The following VWC2L variants were observed in gnomAD, a reference collection of about 807,000 sequenced individuals.
VWC2L encodes von Willebrand factor C domain-containing protein 2-like.
VWC2L carries 10 observed loss-of-function variants against 21.6 expected under a neutral mutation model. The ratio of observed to expected loss-of-function variants is 0.46; its 90% CI spans 0.29 to 0.78. The LOEUF is 0.78. Ranked by LOEUF, VWC2L falls within the 30% of genes least tolerant of loss-of-function variation. The pLI is 0.10. For missense variants in VWC2L, 209 were observed against 277.1 expected, an observed-to-expected ratio of 0.75 and a Z score of 1.74; for synonymous variants, 96 against 94.3, an observed-to-expected ratio of 1.02 and a Z score of -0.10.
At chr2:214,562,742 T>C (rs1290723231) in intron 3 of VWC2L, among the ~76,000 whole-genome samples, 2 of 152,238 alleles carry the variant, frequency 1.3e-5, no homozygotes. Flanking sequence ...CTATCAGTGA[T>C]GTTGAGCTTT....
chr2:214,528,805 A>G (rs6713695), intron 3 of VWC2L, among the ~76,000 whole-genome samples: 78,117 of 151,892 alleles, frequency 0.51, 20,988 homozygotes, highest in East Asian at 0.74. Flanking sequence ...CTCCTCTTGC[A>G]CTCCTCAGCC....
chr2:214,499,508 G>T (rs4592851), intron 3 of VWC2L, among the ~76,000 whole-genome samples: 34,226 of 135,738 alleles, frequency 0.25, 4,253 homozygotes, highest in East Asian at 0.31. Context: ...GTCGTGGGGT[G>T]GGGGGAGGGG....
At chr2:214,421,874 AT>A (rs1702446349) in intron 2 of VWC2L, among the ~76,000 whole-genome samples, 1 of 107,842 alleles carries the variant, frequency 9.3e-6, no homozygotes, top group Admixed American at 8.8e-5. Flanking sequence ...ATTTTTTTCT[AT>A]TTCCTACATC....
intron 3 of VWC2L, among the ~76,000 whole-genome samples, chr2:214,552,356 C>A (rs560409590): frequency 6.6e-6 from 1 of 152,304 alleles, no homozygotes; most frequent in South Asian, 2.1e-4. Flanking sequence ...TCAAACTGAG[C>A]CTTCCTGACT....
At chr2:214,554,703 A>G (rs1433319967) in intron 3 of VWC2L, among the ~76,000 whole-genome samples, 1 of 152,152 alleles carries the variant, frequency 6.6e-6, no homozygotes, top group Non-Finnish European at 1.5e-5. Context: ...AAACAAATTC[A>G]GGCAAAAGTG....
At chr2:214,526,102 C>A (rs10165712) in intron 3 of VWC2L, among the ~76,000 whole-genome samples, 66,465 of 149,488 alleles carry the variant, frequency 0.44, 15,161 homozygotes, top group East Asian at 0.73. Context: ...TTTATATATT[C>A]ATCTATTATA....
intron 3 of VWC2L, among the ~76,000 whole-genome samples, chr2:214,524,491 G>C (rs1051507413): frequency 6.6e-6 from 1 of 152,190 alleles, no homozygotes; most frequent in African/African-American, 2.4e-5. Context: ...GATTAAACTA[G>C]AAGGACCTCT....
chr2:214,521,865 G>C (rs369173097), intron 3 of VWC2L, among the ~76,000 whole-genome samples: 1 of 152,238 alleles, frequency 6.6e-6, no homozygotes, highest in Non-Finnish European at 1.5e-5. Context: ...ACATTAGGGA[G>C]ATAGGTAGGC....
At chr2:214,561,602 T>C (rs1281662231) in intron 3 of VWC2L, among the ~76,000 whole-genome samples, 1 of 151,600 alleles carries the variant, frequency 6.6e-6, no homozygotes, top group African/African-American at 2.4e-5. Context: ...GGCAAAATCT[T>C]GTCTCTACTA....
In VWC2L at chr2:214,482,661, ATATT is replaced by A. The variant is rs200978063; in HGVS notation, c.520+45905_520+45908del. Among the ~76,000 whole-genome samples, 1,252 of 148,644 alleles carry A rather than the reference ATATT, an allele frequency of 8.4e-3. 22 individuals are homozygous for A. Among genetic ancestry groups the A allele is most frequent in the African/African-American group, 0.029 (1,180 of 40,194 alleles). On this transcript the variant is annotated intron_variant, in intron 3 of 3. Transcript: ENST00000312504. ...AGTTAATAAATAAATATATATATAT[ATATT>A]TTTTTTTCTTTAATGGCCAGGCACT... is the stretch of plus-strand genomic sequence containing the variant.
In VWC2L at chr2:214,546,049, A is replaced by G. The variant is rs149119150; in HGVS notation, c.521-29623A>G. 3.9e-3 allele frequency among the ~76,000 whole-genome samples: 595 copies of G among 152,294 alleles called. 3 individuals are homozygous for G. Among genetic ancestry groups the G allele is most frequent in the African/African-American group, 0.013 (554 of 41,568 alleles). On this transcript the variant is annotated intron_variant, in intron 3 of 3. Transcript: ENST00000312504. The stretch of plus-strand genomic sequence containing the variant: ...ATGCTAACTTTGGATTTGATTTGGT[A>G]TCACATGCCAGAACATGAATATTAG...
At chr2:214,563,466 G>A (rs1690008567) in intron 3 of VWC2L, among the ~76,000 whole-genome samples, 1 of 144,988 alleles carries the variant, frequency 6.9e-6, no homozygotes, top group African/African-American at 2.6e-5. Context: ...AGAATGGCAT[G>A]AACCCAGGAG....
At chr2:214,501,755 T>TC (rs1384500738) in intron 3 of VWC2L, among the ~76,000 whole-genome samples, 1 of 145,468 alleles carries the variant, frequency 6.9e-6, no homozygotes, top group African/African-American at 2.5e-5. Context: ...GAATGTGCCA[T>TC]CCCTAGGCCT....
At chr2:214,467,287 C>T (rs1703231106) in intron 3 of VWC2L, among the ~76,000 whole-genome samples, 1 of 152,200 alleles carries the variant, frequency 6.6e-6, no homozygotes, top group Non-Finnish European at 1.5e-5. Flanking sequence ...CATGTATATG[C>T]TGATCAATAC....
At chr2:214,455,537 G>A (rs1453898265) in intron 3 of VWC2L, among the ~76,000 whole-genome samples, 1 of 152,156 alleles carries the variant, frequency 6.6e-6, no homozygotes, top group Non-Finnish European at 1.5e-5. Context: ...TCATTGCTAT[G>A]TGTTGGGGAC....
intron 3 of VWC2L, among the ~76,000 whole-genome samples, chr2:214,568,398 G>A (rs12471577): frequency 0.69 from 104,356 of 152,084 alleles, 37,578 homozygotes; most frequent in East Asian, 0.82. Flanking sequence ...TGTTTGGAAT[G>A]AGTATTTATA....
intron 3 of VWC2L, among the ~76,000 whole-genome samples, chr2:214,439,877 A>C (rs1203893736): frequency 6.6e-6 from 1 of 151,974 alleles, no homozygotes; most frequent in Admixed American, 6.6e-5. Flanking sequence ...CTGTTTACCA[A>C]TGAAAATAAA....
intron 3 of VWC2L, among the ~76,000 whole-genome samples, chr2:214,516,933 A>G (rs1403070821): frequency 2.6e-5 from 4 of 152,226 alleles, no homozygotes; most frequent in Non-Finnish European, 5.9e-5. Context: ...AAGACAAAGT[A>G]CACTAAACCC....
rs191123338 is a variant in VWC2L at position 214,506,999 on chromosome 2, A to G, written c.521-68673A>G. Among the ~76,000 whole-genome samples, 26 of 152,264 alleles carry G rather than the reference A, an allele frequency of 1.7e-4. No individual in the cohort carries two copies. The East Asian group carries it at 4.2e-3, about 25-fold the overall frequency. ...ATTTTTAAAAAATGTTCTATGGAAA[A>G]AAATGAGCTATTTAATTATTACAAA... On this transcript the variant is annotated intron_variant, in intron 3 of 3. Transcript: ENST00000312504.
Sources: allele counts gnomAD v4.1 joint callset (sites outside exome capture counted in the v4.1 genomes callset), GRCh38; gene constraint gnomAD v4.1.1; transcripts MANE v1.5; gene names NCBI Gene and HGNC (gene_info 2026-07-23, HGNC 2026-07-21).